ATP13A5: variants seen among roughly 807,000 people sequenced by gnomAD.
ATP13A5 encodes probable cation-transporting ATPase 13A5.
Under a neutral mutation model 150.2 loss-of-function variants are expected in ATP13A5, and 149 were observed. The observed-to-expected ratio is 0.99, with a 90% CI of 0.87 to 1.14. The LOEUF (loss-of-function observed/expected upper bound fraction) is 1.14. Ranked by LOEUF, ATP13A5 falls within the 50% of genes most tolerant of loss-of-function variation. ATP13A5 has a pLI of 0.00. For synonymous variants in ATP13A5, 497 were observed against 522.2 expected (o/e 0.95, Z 0.66); for missense variants, 1,383 against 1,449.3 (o/e 0.95, Z 0.74).
chr3:193,290,937 C>A (rs1349051315), intron 25 of ATP13A5, among the ~76,000 whole-genome samples: 1 of 152,072 alleles, frequency 6.6e-6, no homozygotes, highest in African/African-American at 2.4e-5. Context: ...TGTCTTCATA[C>A]CTGTCACCTC....
rs776828888 is a variant in ATP13A5, at chr3:193,305,563, T to C, written c.2674A>G (p.Ile892Val). 1.2e-6 allele frequency: 2 copies of C among 1,612,156 alleles called. No homozygotes were observed. Among genetic ancestry groups the C allele is most frequent in the Non-Finnish European group, 1.7e-6 (2 of 1,178,266 alleles). ...TTNIQCVPHL[I>V]REGRAALVSS... is the part of the protein sequence containing the mutation. The stretch of plus-strand genomic sequence containing the variant: ...GAAGAGGAAAAAATGACTTACCTGA[T>C]GAGATGAGGCACACACTGGATGTTG... Residue 892 changes from isoleucine (I) to valine (V), a missense_variant, in exon 23 of 30, where the codon ATC (isoleucine) becomes GTC (valine). Coordinates refer to ENST00000342358, the MANE Select transcript of ATP13A5 (RefSeq NM_198505.4).
At chr3:193,350,572 G>A (rs1036538815) in intron 7 of ATP13A5, among the ~76,000 whole-genome samples, 53 of 152,082 alleles carry the variant, frequency 3.5e-4, no homozygotes, top group African/African-American at 8.0e-4. Context: ...AGATATACCC[G>A]AATATCAAAT....
intron 2 of ATP13A5, 110 bp downstream of exon 2, chr3:193,363,997 T>C (rs1236570343): frequency 2.5e-6 from 3 of 1,216,424 alleles, no homozygotes; most frequent in Middle Eastern, 2.5e-4. Flanking sequence ...ACTCTTTAAA[T>C]AGAGGAAATC....
At chr3:193,310,845 C>A (rs766256407) in intron 20 of ATP13A5, 128 bp from the exon 21 acceptor site, 44 of 586,068 alleles carry the variant, frequency 7.5e-5, no homozygotes, top group Non-Finnish European at 1.3e-4. Flanking sequence ...GTCATTAGAC[C>A]AATACCAGGA....
intron 26 of ATP13A5, 136 bp downstream of exon 26, chr3:193,289,749 C>G: frequency 2.7e-6 from 2 of 733,668 alleles, no homozygotes; most frequent in Non-Finnish European, 4.3e-6. Context: ...TGTGTTCTGT[C>G]CCATCATTTG....
chr3:193,347,483 AT>A (rs142466982), intron 7 of ATP13A5, among the ~76,000 whole-genome samples: 3 of 148,038 alleles, frequency 2.0e-5, no homozygotes, highest in Non-Finnish European at 4.5e-5. Flanking sequence ...TAAAAATAGC[AT>A]TTTTTTTCTT....
At position 193,343,637 on chromosome 3, in the gene ATP13A5, C is replaced by T. The variant is rs908173249; in HGVS notation, c.943+290G>A. 3.3e-5 allele frequency among the ~76,000 whole-genome samples: 5 copies of T among 152,164 alleles called. 1 individual carries two copies. Among genetic ancestry groups the T allele is most frequent in the Non-Finnish European group, 7.4e-5 (5 of 68,024 alleles). ...ATTGTGCTTCAAACTGTGTAGTGCT[C>T]TCATCCTCCTCTGAACCCAAAGCAC... On this transcript the variant is annotated intron_variant, in intron 9 of 29. Transcript: ENST00000342358.
chr3:193,336,454 T>G (rs1392454858), intron 9 of ATP13A5, among the ~76,000 whole-genome samples: 2 of 152,214 alleles, frequency 1.3e-5, no homozygotes, highest in Non-Finnish European at 2.9e-5. Context: ...GTTCTCACTG[T>G]TCAATTCCCA....
At chr3:193,371,480 C>T (rs1560154725) in intron 1 of ATP13A5, among the ~76,000 whole-genome samples, 1 of 152,172 alleles carries the variant, frequency 6.6e-6, no homozygotes, top group Non-Finnish European at 1.5e-5. Context: ...TTAGCTGGGT[C>T]CTATGCTGAG....
chr3:193,337,112 C>A (rs905826642), intron 9 of ATP13A5, among the ~76,000 whole-genome samples: 58 of 151,810 alleles, frequency 3.8e-4, no homozygotes, highest in African/African-American at 1.3e-3. Context: ...AATTTGTTGG[C>A]GTTCTTTGTA....
In ATP13A5 at chr3:193,313,804, A is replaced by G. The variant is rs543989508; in HGVS notation, c.2319+229T>C. 1.3e-5 allele frequency: 6 copies of G among 458,952 alleles called. No individual in the cohort carries two copies. In the South Asian group the frequency reaches 2.7e-4, roughly 20 times the overall value. The allele number at this position is 458,952 out of a possible 1,614,324, so 28.4% of individuals were successfully genotyped here. On this transcript the variant is annotated intron_variant, in intron 19 of 29. Coordinates refer to ENST00000342358, the MANE Select transcript of ATP13A5 (RefSeq NM_198505.4). Reference sequence around the variant, plus strand: ...AGCACCTGATGCCAGTTCCTACCCCAGGGGTTCTGATTTAATTGGTGCAGC... The same window carrying G: ...AGCACCTGATGCCAGTTCCTACCCCGGGGGTTCTGATTTAATTGGTGCAGC...
chr3:193,329,117 C>T (rs542400982), intron 12 of ATP13A5, among the ~76,000 whole-genome samples: 66 of 152,090 alleles, frequency 4.3e-4, no homozygotes, highest in Non-Finnish European at 6.3e-4. Flanking sequence ...TGGTGGTGCA[C>T]GCCTGTAATC....
intron 25 of ATP13A5, among the ~76,000 whole-genome samples, chr3:193,290,800 T>C (rs934170640): frequency 1.3e-5 from 2 of 152,176 alleles, no homozygotes; most frequent in Non-Finnish European, 2.9e-5. Flanking sequence ...ACATCCTTAG[T>C]AGCTACATAT....
chr3:193,311,972 G>T lies in ATP13A5; in HGVS notation c.2320-31C>A. On this transcript the variant is annotated intron_variant, in intron 19 of 29. Coordinates refer to ENST00000342358, the MANE Select transcript of ATP13A5 (RefSeq NM_198505.4). ...ATCAAAAGGGCATCATTTCTACATT[G>T]ACTCCTAAGGAGTGTCTCTGCTTTC... 1.9e-6 allele frequency: 3 copies of T among 1,609,812 alleles called. No homozygotes were observed. In the South Asian group the frequency reaches 3.3e-5, roughly 18 times the overall value.
At chr3:193,377,614 C>A (rs1032496415) in intron 1 of ATP13A5, among the ~76,000 whole-genome samples, 2 of 152,170 alleles carry the variant, frequency 1.3e-5, no homozygotes, top group African/African-American at 4.8e-5. Context: ...TAGATGAAAT[C>A]ATATGTTTTC....
chr3:193,328,363 G>C (rs1719548136), intron 12 of ATP13A5, among the ~76,000 whole-genome samples: 2 of 152,142 alleles, frequency 1.3e-5, no homozygotes, highest in Non-Finnish European at 2.9e-5. Context: ...TTTTGAAAAA[G>C]AGCTATTTGT....
At chr3:193,344,092 T>C (rs1230797808) in intron 8 of ATP13A5, 37 bp from the exon 9 acceptor site, 1 of 1,600,190 alleles carries the variant, frequency 6.2e-7, no homozygotes, top group Non-Finnish European at 8.5e-7. Context: ...TAGCTGACCT[T>C]TTCCTGTTTT....
rs533726166 is a variant in ATP13A5 at position 193,284,386 on chromosome 3, T to TA, written c.3226+527dup. ...TTTTAAAAAACTCTACTTAAATTAA[T>TA]ACACAGGGAAAGTAAGTAAGATTTT... On this transcript the variant is annotated intron_variant, in intron 27 of 29. Transcript: ENST00000342358. 2.0e-4 allele frequency among the ~76,000 whole-genome samples: 31 copies of TA among 152,190 alleles called. No individual in the cohort carries two copies. The East Asian group carries it at 5.2e-3, about 26-fold the overall frequency.
intron 1 of ATP13A5, among the ~76,000 whole-genome samples, chr3:193,366,180 T>C (rs1198477127): frequency 6.6e-6 from 1 of 151,898 alleles, no homozygotes; most frequent in Non-Finnish European, 1.5e-5. Context: ...CAATGTTAAA[T>C]GGAGAAAAGA....
Sources: allele counts gnomAD v4.1 joint callset (sites outside exome capture counted in the v4.1 genomes callset), GRCh38; gene constraint gnomAD v4.1.1; transcripts MANE v1.5; gene names NCBI Gene and HGNC (gene_info 2026-07-23, HGNC 2026-07-21).